NT5DC1: variants seen among roughly 807,000 people sequenced by gnomAD.
The protein encoded by NT5DC1 is 5'-nucleotidase domain containing 1.
In NT5DC1, 42 loss-of-function variants were observed where a neutral mutation model predicts 59.4. The observed-to-expected ratio is 0.71, with a 90% confidence interval of 0.55 to 0.92. The LOEUF (loss-of-function observed/expected upper bound fraction) is 0.92. NT5DC1 is among the 40% of genes least tolerant of loss of function. NT5DC1 has a pLI of 0.00. For missense variants in NT5DC1, 501 were observed against 537.1 expected (o/e 0.93, Z 0.66); for synonymous variants, 172 against 188.1 (o/e 0.91, Z 0.70).
chr6:116,203,143 A>C (rs369027753), intron 6 of NT5DC1, among the ~76,000 whole-genome samples: 6 of 152,092 alleles, frequency 3.9e-5, no homozygotes, highest in Admixed American at 3.9e-4. Flanking sequence ...CAAATTACCA[A>C]GTGGTTGCTT....
At chr6:116,114,289 GAAGT>G (rs1404602963) in intron 4 of NT5DC1, among the ~76,000 whole-genome samples, 1 of 151,996 alleles carries the variant, frequency 6.6e-6, no homozygotes, top group Non-Finnish European at 1.5e-5. Context: ...TTTACAGGAA[GAAGT>G]AAGAGGCAGA....
At chr6:116,184,056 T>C (rs1017300307) in intron 6 of NT5DC1, among the ~76,000 whole-genome samples, 1 of 152,132 alleles carries the variant, frequency 6.6e-6, no homozygotes, top group African/African-American at 2.4e-5. Flanking sequence ...TGGTTTTTAT[T>C]ACCTTGAGGT....
chr6:116,227,288 C>CA, intron 8 of NT5DC1, among the ~76,000 whole-genome samples: 1 of 152,106 alleles, frequency 6.6e-6, no homozygotes, highest in Non-Finnish European at 1.5e-5. Context: ...TCCATGTTGT[C>CA]ACAAATGACA....
At chr6:116,243,084 G>C (rs1051214609) in intron 11 of NT5DC1, among the ~76,000 whole-genome samples, 4 of 152,204 alleles carry the variant, frequency 2.6e-5, no homozygotes, top group Non-Finnish European at 5.9e-5. Flanking sequence ...ATTTTATCCA[G>C]ATTTTCCAGT....
Position 116,123,630 on chromosome 6 carries a change from T to C in NT5DC1, c.529+5685T>C, listed in dbSNP as rs182008845. ...TATGTAATAACTCTTTGAATTCCTG[T>C]TTCAACTTAATGTCTTACTTGTATA... On this transcript the variant is annotated intron_variant, in intron 6 of 11. Coordinates refer to ENST00000319550, the MANE Select transcript of NT5DC1 (RefSeq NM_152729.3). Among the ~76,000 whole-genome samples, 399 of 152,348 alleles carry C rather than the reference T, an allele frequency of 2.6e-3. 10 individuals carry two copies. The South Asian group carries it at 0.044, about 17-fold the overall frequency.
intron 6 of NT5DC1, chr6:116,121,588 C>T: frequency 1.2e-6 from 2 of 1,613,998 alleles, no homozygotes; most frequent in Middle Eastern, 3.3e-4. Flanking sequence ...CTGGTGCACC[C>T]TTTTCTCCAG....
chr6:116,104,135 G>A (rs576526364), intron 1 of NT5DC1, among the ~76,000 whole-genome samples: 19 of 152,298 alleles, frequency 1.2e-4, no homozygotes, highest in Non-Finnish European at 1.9e-4. Context: ...CTTCTAGAGA[G>A]ACTCAGCGTA....
At chr6:116,202,681 T>G (rs1225472809) in intron 6 of NT5DC1, among the ~76,000 whole-genome samples, 1 of 152,018 alleles carries the variant, frequency 6.6e-6, no homozygotes, top group Non-Finnish European at 1.5e-5. Context: ...AATGGCATTC[T>G]GAGATTATAG....
Position 116,120,756 on chromosome 6 carries a change from T to C in NT5DC1, c.529+2811T>C, listed in dbSNP as rs770213046. 1.9e-6 allele frequency: 3 copies of C among 1,608,038 alleles called. No individual in the cohort carries two copies. The highest frequency in any genetic ancestry group is 1.7e-5 in the Admixed American group (1 of 59,018). On this transcript the variant is annotated intron_variant, in intron 6 of 11. Transcript: ENST00000319550. Reference sequence around the variant, plus strand: ...AATCCTGGAATGCCTGGTGGCCCAATAGGGCCTCTAGTACCTGGTATTCCA... The same window carrying C: ...AATCCTGGAATGCCTGGTGGCCCAACAGGGCCTCTAGTACCTGGTATTCCA...
In NT5DC1 at chr6:116,182,222, AGTGTGTGT is replaced by A. The variant is rs35883565; in HGVS notation, c.530-38807_530-38800del. Among the ~76,000 whole-genome samples the A allele has an allele frequency of 7.2e-5, 9 of 124,604 alleles. No homozygotes were observed. The East Asian group carries it at 1.2e-3, about 17-fold the overall frequency. The allele number at this position is 124,604 out of a possible 152,430, so 81.7% of individuals were successfully genotyped here. A position where few individuals can be genotyped will look rare whatever the true frequency, so the allele number is the denominator to read the frequency against. ...TATGGCTGAGTAGTATTCCATGGAG[AGTGTGTGT>A]GTGTGTGTGTGTGTGTGTGTGTGTA... On this transcript the variant is annotated intron_variant, in intron 6 of 11. Coordinates refer to ENST00000319550, the MANE Select transcript of NT5DC1 (RefSeq NM_152729.3).
chr6:116,206,076 C>T (rs1397406079), intron 6 of NT5DC1, among the ~76,000 whole-genome samples: 2 of 151,988 alleles, frequency 1.3e-5, no homozygotes, highest in Non-Finnish European at 2.9e-5. Flanking sequence ...GCCTCCTGCT[C>T]AGTAGGACTT....
At chr6:116,121,980 A>G (rs780666973) in intron 6 of NT5DC1, 1 of 1,601,408 alleles carries the variant, frequency 6.2e-7, no homozygotes, top group Non-Finnish European at 8.5e-7. Context: ...CACACCCAAC[A>G]CACCCACCCA....
At chr6:116,213,406 G>A (rs1036876320) in intron 6 of NT5DC1, among the ~76,000 whole-genome samples, 3 of 152,030 alleles carry the variant, frequency 2.0e-5, no homozygotes, top group African/African-American at 7.2e-5. Context: ...CATCTTACAT[G>A]GCACATGACT....
intron 6 of NT5DC1, among the ~76,000 whole-genome samples, chr6:116,155,770 AAAG>A (rs930734171): frequency 2.6e-5 from 4 of 151,820 alleles, no homozygotes; most frequent in African/African-American, 7.2e-5. Flanking sequence ...AAAAAAAAAA[AAAG>A]AGGGAGGAAG....
intron 6 of NT5DC1, among the ~76,000 whole-genome samples, chr6:116,145,720 T>C (rs1029522291): frequency 6.6e-6 from 1 of 152,248 alleles, no homozygotes; most frequent in Non-Finnish European, 1.5e-5. Flanking sequence ...AAAAATAGTT[T>C]GTTTCATTTT....
intron 5 of NT5DC1, among the ~76,000 whole-genome samples, chr6:116,116,707 A>G (rs1180274873): frequency 6.6e-6 from 1 of 152,138 alleles, no homozygotes; most frequent in Non-Finnish European, 1.5e-5. Context: ...TTTGTGAATC[A>G]GAATTACATT....
At chr6:116,200,518 A>G (rs1781325634) in intron 6 of NT5DC1, among the ~76,000 whole-genome samples, 1 of 152,002 alleles carries the variant, frequency 6.6e-6, no homozygotes, top group Non-Finnish European at 1.5e-5. Flanking sequence ...TATCTTTGTA[A>G]TTTTTCTGTC....
At chr6:116,200,742 C>T (rs1562161944) in intron 6 of NT5DC1, among the ~76,000 whole-genome samples, 1 of 151,992 alleles carries the variant, frequency 6.6e-6, no homozygotes, top group Non-Finnish European at 1.5e-5. Flanking sequence ...TTCATCTCTT[C>T]TCCCACTAGC....
intron 1 of NT5DC1, among the ~76,000 whole-genome samples, chr6:116,105,086 C>T (rs1778743174): frequency 6.6e-6 from 1 of 152,146 alleles, no homozygotes; most frequent in East Asian, 1.9e-4. Flanking sequence ...GATGGAAGTA[C>T]ATGTGTAGTG....
Sources: gnomAD v4.1 joint callset for allele counts (sites outside exome capture counted in the v4.1 genomes callset) on GRCh38, gnomAD v4.1.1 for gene constraint, MANE v1.5 for transcripts, NCBI Gene and HGNC (gene_info 2026-07-23, HGNC 2026-07-21) for gene names.